TRMT2B: variants seen among roughly 807,000 people sequenced by gnomAD.
The protein encoded by TRMT2B is tRNA (uracil-5-)-methyltransferase homolog B.
A neutral mutation model predicts 39.7 loss-of-function variants in TRMT2B; 34 were observed. The ratio of observed to expected loss-of-function variants is 0.86; its 90% confidence interval spans 0.65 to 1.14. The LOEUF (loss-of-function observed/expected upper bound fraction) is 1.14, where lower values mean the gene tolerates loss of function less well. Among genes scored for constraint, TRMT2B ranks in the 50% most tolerant of loss-of-function variants. TRMT2B has a pLI of 0.00. For missense variants in TRMT2B, 318 were observed against 377.2 expected (o/e 0.84, Z 1.30); for synonymous variants, 132 against 137.3 (o/e 0.96, Z 0.27).
chrX:101,008,799 ACCC>A (rs1435198475), downstream of TRMT2B, among the ~76,000 whole-genome samples: 1 of 110,921 alleles, frequency 9.0e-6, no homozygotes, highest in Non-Finnish European at 1.9e-5. Context: ...TGTCCTAATC[ACCC>A]CATGGCCAGG....
chrX:101,035,631 T>C lies in TRMT2B; in HGVS notation c.591A>G (p.Lys197=). 1 of 1,211,133 alleles carries C rather than the reference T, an allele frequency of 8.3e-7. No individual in the cohort carries two copies. The highest frequency in any genetic ancestry group is 1.1e-6 in the Non-Finnish European group (1 of 894,870). The change falls in exon 7 of 14, where the codon AAA becomes AAG. Residue 197 remains lysine (K), a synonymous_variant. Coordinates refer to ENST00000372936, the MANE Select transcript of TRMT2B (RefSeq NM_024917.6). The part of the protein sequence containing the change: ...QSNHLKNIPE[K]HSQVAQYYEV... ...ATTTTACCTGCGCCACTTGACTGTGTTTCTCAGGGATGTTTTTCAGATGAT... is the reference window on the plus strand; with the variant it reads ...ATTTTACCTGCGCCACTTGACTGTGCTTCTCAGGGATGTTTTTCAGATGAT...
At chrX:101,014,448 C>T (rs1328752300) in intron 13 of TRMT2B, among the ~76,000 whole-genome samples, 1 of 110,890 alleles carries the variant, frequency 9.0e-6, no homozygotes, top group Non-Finnish European at 1.9e-5. Flanking sequence ...AGTGATCTTC[C>T]CAACTCACCC....
chrX:100,984,878 T>C, the TRMT2B span, among the ~76,000 whole-genome samples: 4 of 112,143 alleles, frequency 3.6e-5, no homozygotes, highest in African/African-American at 1.3e-4. Context: ...ATTAATCCAA[T>C]AATGAATGTG....
chrX:100,974,127 G>C, the TRMT2B span: 1 of 1,186,108 alleles, frequency 8.4e-7, no homozygotes, highest in East Asian at 3.0e-5. Context: ...TCATTTCTAG[G>C]AATGTGACCA....
At chrX:100,996,371 C>CTA in the TRMT2B span, among the ~76,000 whole-genome samples, 1 of 111,681 alleles carries the variant, frequency 9.0e-6, no homozygotes, top group Non-Finnish European at 1.9e-5. Flanking sequence ...AGTAGGGTGA[C>CTA]TATAGTTAAC....
intron 7 of TRMT2B, among the ~76,000 whole-genome samples, chrX:101,029,737 T>C (rs1215976659): frequency 9.0e-6 from 1 of 111,357 alleles, no homozygotes; most frequent in Non-Finnish European, 1.9e-5. Context: ...GCAAACTCAG[T>C]AAAATCTCAG....
chrX:101,000,781 G>A, the TRMT2B span, among the ~76,000 whole-genome samples: 2 of 111,306 alleles, frequency 1.8e-5, no homozygotes. Flanking sequence ...CTACACAACA[G>A]TCATCTGGAG....
chrX:101,021,394 C>G (rs1310819527), intron 9 of TRMT2B, 79 bp from the exon 10 acceptor site: 1 of 898,566 alleles, frequency 1.1e-6, no homozygotes. Context: ...TTTGGGAGGC[C>G]GAGGCGGGCA....
At chrX:101,000,782 T>C in the TRMT2B span, among the ~76,000 whole-genome samples, 1 of 111,198 alleles carries the variant, frequency 9.0e-6, no homozygotes, top group Admixed American at 9.7e-5. Context: ...TACACAACAG[T>C]CATCTGGAGA....
chrX:101,047,592 G>A (rs1276104624), intron 2 of TRMT2B, among the ~76,000 whole-genome samples: 1 of 110,676 alleles, frequency 9.0e-6, no homozygotes, highest in East Asian at 2.9e-4. Context: ...AGCACTTTGG[G>A]AGGCCAAGGT....
At position 101,019,412 on chromosome X, in the gene TRMT2B, G is replaced by A. The variant is rs766662471; in HGVS notation, c.1169-9C>T. The A allele has an allele frequency of 8.3e-7, 1 of 1,210,594 alleles. No individual in the cohort carries two copies. The highest frequency in any genetic ancestry group is 1.1e-6 in the Non-Finnish European group (1 of 895,237). On this transcript the variant is annotated splice_polypyrimidine_tract_variant and intron_variant, in intron 11 of 13. Coordinates refer to ENST00000372936, the MANE Select transcript of TRMT2B (RefSeq NM_024917.6). Reference sequence around the variant, plus strand: ...TTCAGAGTTGGTGATGCCTATGGAAGACAGGCCCACAGGACATAACTCAAG... The same window carrying A: ...TTCAGAGTTGGTGATGCCTATGGAAAACAGGCCCACAGGACATAACTCAAG...
chrX:101,042,803 G>A (rs1300213383), intron 2 of TRMT2B, among the ~76,000 whole-genome samples: 2 of 111,401 alleles, frequency 1.8e-5, no homozygotes, highest in Non-Finnish European at 1.9e-5. Flanking sequence ...GAGGGATGGC[G>A]CTGAGTCTTT....
intron 6 of TRMT2B, 61 bp from the exon 7 acceptor site, chrX:101,035,744 C>T: frequency 6.0e-6 from 6 of 998,159 alleles, no homozygotes; most frequent in Non-Finnish European, 8.5e-6. Context: ...AAAGAAAATG[C>T]CTGGCAACTC....
At chrX:101,028,375 T>A (rs960782784) in intron 7 of TRMT2B, among the ~76,000 whole-genome samples, 18 of 110,650 alleles carry the variant, frequency 1.6e-4, no homozygotes, top group Non-Finnish European at 3.2e-4. Flanking sequence ...CACCTCAGCC[T>A]CCCAAAGTGC....
rs1345579234 is a variant in TRMT2B, at chrX:101,019,055, T to C, written c.1304A>G (p.Gln435Arg). 1.7e-6 allele frequency: 2 copies of C among 1,196,849 alleles called. No individual in the cohort carries two copies. Among genetic ancestry groups the C allele is most frequent in the African/African-American group, 3.5e-5 (2 of 56,945 alleles). The part of the protein sequence containing the change: ...ARAGLHYKVI[Q>R]AIRNFRAIHT... ...GATGGCCCTGAAGTTTCGAATGGCT[T>C]GAATCACCTTGTAATCTGAAGGAAG... is the stretch of plus-strand genomic sequence containing the variant. Residue 435 changes from glutamine (Q) to arginine (R), a missense_variant, in exon 13 of 14, where the codon CAA (glutamine) becomes CGA (arginine). Physicochemically the swap from Gln to Arg is conservative, Grantham distance 43. Transcript: ENST00000372936.
intron 2 of TRMT2B, among the ~76,000 whole-genome samples, chrX:101,044,501 T>C (rs1430659007): frequency 9.0e-6 from 1 of 111,198 alleles, no homozygotes; most frequent in Admixed American, 9.7e-5. Context: ...GGCGGGCAGA[T>C]CACAAGGTCA....
the TRMT2B span, among the ~76,000 whole-genome samples, chrX:100,974,962 C>T: frequency 3.6e-5 from 4 of 111,568 alleles, no homozygotes; most frequent in Non-Finnish European, 5.6e-5. Flanking sequence ...CTGAAGTGCT[C>T]ATCAATTTCC....
At chrX:101,011,367 A>C (rs374218817) in intron 13 of TRMT2B, among the ~76,000 whole-genome samples, 38 of 111,873 alleles carry the variant, frequency 3.4e-4, no homozygotes, top group African/African-American at 1.2e-3. Flanking sequence ...ATTAAAAAGT[A>C]CTGTAAAAAT....
At chrX:101,041,262 A>G in intron 4 of TRMT2B, 55 bp downstream of exon 4, 1 of 1,059,367 alleles carries the variant, frequency 9.4e-7, no homozygotes, top group South Asian at 2.1e-5. Flanking sequence ...GCTTCCTACG[A>G]GTCCAGCACC....
Sources: allele counts gnomAD v4.1 joint callset (sites outside exome capture counted in the v4.1 genomes callset), GRCh38; gene constraint gnomAD v4.1.1; transcripts MANE v1.5; gene names NCBI Gene and HGNC (gene_info 2026-07-23, HGNC 2026-07-21).